The following TRPM3 variants were observed in gnomAD, a reference collection of about 807,000 sequenced individuals.
TRPM3 encodes long transient receptor potential channel 3.
TRPM3 carries 77 observed loss-of-function variants against 181.2 expected under a neutral mutation model. That is an observed-to-expected ratio of 0.42 (90% CI 0.35 to 0.51). The LOEUF (loss-of-function observed/expected upper bound fraction) is 0.51. Ranked by LOEUF, TRPM3 falls within the 20% of genes least tolerant of loss-of-function variation. TRPM3 has a pLI of 0.01. For missense variants in TRPM3, 1,759 were observed against 2,196.7 expected (o/e 0.80, Z 3.98); for synonymous variants, 745 against 796.4 (o/e 0.94, Z 1.09).
intron 1 of TRPM3, among the ~76,000 whole-genome samples, chr9:70,924,012 T>A (rs2096693348): frequency 6.6e-6 from 1 of 151,890 alleles, no homozygotes; most frequent in Non-Finnish European, 1.5e-5. Context: ...TATATATATA[T>A]CTTTGTGCTG....
intron 9 of TRPM3, among the ~76,000 whole-genome samples, chr9:70,647,703 A>G (rs768966105): frequency 6.6e-6 from 1 of 152,170 alleles, no homozygotes; most frequent in East Asian, 1.9e-4. Context: ...GCAATCAGCC[A>G]AAAAGAAGGA....
At chr9:70,906,701 G>A (rs560605238) in intron 1 of TRPM3, among the ~76,000 whole-genome samples, 4 of 152,258 alleles carry the variant, frequency 2.6e-5, no homozygotes, top group African/African-American at 9.6e-5. Flanking sequence ...TCAGGAGTTC[G>A]AGACCAGCCT....
intron 1 of TRPM3, among the ~76,000 whole-genome samples, chr9:71,386,342 G>GGGA (rs2092923031): frequency 6.6e-6 from 1 of 151,858 alleles, no homozygotes; most frequent in African/African-American, 2.4e-5. Context: ...CCAGCTACTT[G>GGGA]GGAGGCTGAG....
At chr9:70,741,102 C>A (rs374512229) in intron 8 of TRPM3, among the ~76,000 whole-genome samples, 3 of 152,034 alleles carry the variant, frequency 2.0e-5, no homozygotes, top group Non-Finnish European at 2.9e-5. Context: ...GAAACTCAAA[C>A]AAATCAGCAA....
At chr9:71,321,806 T>C (rs2089246734) in intron 1 of TRPM3, among the ~76,000 whole-genome samples, 2 of 152,138 alleles carry the variant, frequency 1.3e-5, no homozygotes, top group African/African-American at 2.4e-5. Flanking sequence ...TTAGTCCATG[T>C]ACATTAATTT....
intron 11 of TRPM3, among the ~76,000 whole-genome samples, chr9:70,637,642 G>A (rs533159746): frequency 1.3e-5 from 2 of 152,110 alleles, no homozygotes; most frequent in Admixed American, 6.6e-5. Context: ...CTGCTAACCC[G>A]TTTCTATTTT....
intron 9 of TRPM3, among the ~76,000 whole-genome samples, chr9:70,671,745 C>A (rs1278420477): frequency 6.6e-6 from 1 of 152,004 alleles, no homozygotes; most frequent in Admixed American, 6.6e-5. Flanking sequence ...ATTTGACATA[C>A]TTTGCCCCTC....
At chr9:71,073,092 C>T (rs114558381) in intron 1 of TRPM3, among the ~76,000 whole-genome samples, 94 of 152,230 alleles carry the variant, frequency 6.2e-4, no homozygotes, top group African/African-American at 2.1e-3. Context: ...AGTCTCATAA[C>T]GACAGTCTCA....
intron 18 of TRPM3, among the ~76,000 whole-genome samples, chr9:70,613,415 G>C (rs1241472977): frequency 1.3e-5 from 2 of 152,200 alleles, no homozygotes; most frequent in Non-Finnish European, 2.9e-5. Flanking sequence ...TGTCGTTTTG[G>C]AAGGGCCAAA....
chr9:70,890,472 C>G (rs1047168934), intron 1 of TRPM3, among the ~76,000 whole-genome samples: 2 of 151,976 alleles, frequency 1.3e-5, no homozygotes, highest in Non-Finnish European at 2.9e-5. Context: ...TTGAAGGGGT[C>G]ACTGTGAGTG....
At chr9:70,882,403 G>A (rs1329483458) in intron 1 of TRPM3, among the ~76,000 whole-genome samples, 1 of 152,116 alleles carries the variant, frequency 6.6e-6, no homozygotes, top group Non-Finnish European at 1.5e-5. Context: ...GGCTGTAAAT[G>A]GATTTCTAAA....
intron 1 of TRPM3, among the ~76,000 whole-genome samples, chr9:71,262,625 C>T (rs2083139468): frequency 6.6e-6 from 1 of 152,228 alleles, no homozygotes; most frequent in African/African-American, 2.4e-5. Flanking sequence ...CAAATGACCT[C>T]CCAGTTTTGT....
chr9:70,664,092 A>G (rs965577931), intron 9 of TRPM3, among the ~76,000 whole-genome samples: 13 of 152,188 alleles, frequency 8.5e-5, no homozygotes, highest in Non-Finnish European at 1.9e-4. Flanking sequence ...AAATTTACCA[A>G]ATTAATAAGT....
intron 1 of TRPM3, among the ~76,000 whole-genome samples, chr9:71,436,298 C>CTTTTTTTT (rs71352382): frequency 1.3e-5 from 1 of 77,288 alleles, no homozygotes; most frequent in Non-Finnish European, 2.6e-5. Context: ...TTTTTTCTTT[C>CTTTTTTTT]TTTTTTTTTT....
intron 1 of TRPM3, among the ~76,000 whole-genome samples, chr9:71,278,042 G>T (rs186329045): frequency 1.5e-3 from 229 of 152,336 alleles, no homozygotes; most frequent in African/African-American, 5.3e-3. Flanking sequence ...CAGTGCTGGG[G>T]CTGGGGCAGC....
At chr9:71,439,729 A>C (rs1045579301) in intron 1 of TRPM3, among the ~76,000 whole-genome samples, 2 of 152,146 alleles carry the variant, frequency 1.3e-5, no homozygotes, top group African/African-American at 4.8e-5. Flanking sequence ...CAAATTGTTC[A>C]TCTCTAATGT....
chr9:70,553,129 C>G (rs1236376880), intron 23 of TRPM3, 31 bp downstream of exon 23: 1 of 1,614,034 alleles, frequency 6.2e-7, no homozygotes, highest in Non-Finnish European at 8.5e-7. Context: ...CTGTCCTCAT[C>G]CATCCCACGT....
rs1227657050 is a variant in TRPM3 at position 70,529,090 on chromosome 9, T to A, written c.*6863A>T. On this transcript the variant is annotated 3_prime_UTR_variant, in exon 26 of 26. Coordinates refer to ENST00000677713, the MANE Select transcript of TRPM3 (RefSeq NM_001366145.2). ...TTTTAAACTACTGAGTTTTTTTTTT[T>A]ATTGCAAAACATTTGTTACAGAAAT... is the stretch of plus-strand genomic sequence containing the variant. The A allele has an allele frequency of 6.6e-6, 1 of 152,118 alleles. No individual in the cohort carries two copies. Among genetic ancestry groups the A allele is most frequent in the Admixed American group, 6.5e-5 (1 of 15,274 alleles). The allele number at this position is 152,118 out of a possible 1,614,324, so 9.4% of individuals were successfully genotyped here. A position where few individuals can be genotyped will look rare whatever the true frequency, so the allele number is the denominator to read the frequency against.
At position 70,536,723 on chromosome 9, in the gene TRPM3, C is replaced by A; in HGVS notation, c.4390G>T (p.Asp1464Tyr). 1 of 1,614,110 alleles carries A rather than the reference C, an allele frequency of 6.2e-7. No homozygotes were observed. Among genetic ancestry groups the A allele is most frequent in the Non-Finnish European group, 8.5e-7 (1 of 1,180,040 alleles). ...TCAATGCTCCGGCTTGGAGGTCTGT[C>A]TGTGGGTGCAAGTGTTGCATAGGCA... ...SSAYATLAPT[D>Y]RPPSRSIDFE... Residue 1464 changes from aspartate (D) to tyrosine (Y), a missense_variant, in exon 26 of 26, where the codon GAC (aspartate) becomes TAC (tyrosine). Asp to Tyr is a radical substitution (Grantham distance 160). Around this residue, in one of 8 missense-constraint regions of TRPM3, gnomAD observed 612 missense variants for 590.0 expected, o/e 1.04. Transcript: ENST00000677713.
Sources: gnomAD v4.1 joint callset for allele counts (sites outside exome capture counted in the v4.1 genomes callset) on GRCh38, gnomAD v4.1.1 for gene constraint, gnomAD v4.1.1 regional missense constraint, MANE v1.5 for transcripts, NCBI Gene and HGNC (gene_info 2026-07-23, HGNC 2026-07-21) for gene names.